FBN2: variants seen among roughly 807,000 people sequenced by gnomAD.
FBN2 encodes fibrillin-2.
In FBN2, 105 loss-of-function variants were observed where a neutral mutation model predicts 355.6. The observed-to-expected ratio is 0.30, with a 90% CI of 0.25 to 0.35. The LOEUF (loss-of-function observed/expected upper bound fraction) is 0.35, where lower values mean the gene tolerates loss of function less well. Ranked by LOEUF, FBN2 falls within the 10% of genes least tolerant of loss-of-function variation. The pLI is 1.00. For missense variants in FBN2, 3,280 were observed against 3,758.7 expected (o/e 0.87, Z 3.33); for synonymous variants, 1,350 against 1,301.2 (o/e 1.04, Z -0.81).
At chr5:128,472,692 G>A (rs1754898510) in intron 5 of FBN2, among the ~76,000 whole-genome samples, 1 of 151,950 alleles carries the variant, frequency 6.6e-6, no homozygotes, top group Non-Finnish European at 1.5e-5. Context: ...TCGGGAGGCT[G>A]AGGCAGGAGA....
At chr5:128,354,249 C>T (rs1180350857) in intron 20 of FBN2, among the ~76,000 whole-genome samples, 1 of 152,268 alleles carries the variant, frequency 6.6e-6, no homozygotes, top group African/African-American at 2.4e-5. Flanking sequence ...GAAAAACATT[C>T]CTGCCAGATA....
At chr5:128,418,507 A>T (rs2572968) in intron 7 of FBN2, among the ~76,000 whole-genome samples, 50,996 of 151,864 alleles carry the variant, frequency 0.34, 10,074 homozygotes, top group African/African-American at 0.53. Flanking sequence ...TCTTAGCATT[A>T]CTTTTGTTGT....
chr5:128,306,658 G>C (rs1749891267), intron 42 of FBN2, among the ~76,000 whole-genome samples: 1 of 152,012 alleles, frequency 6.6e-6, no homozygotes, highest in Non-Finnish European at 1.5e-5. Flanking sequence ...AAATCTTTGA[G>C]GAAGGAAGCT....
intron 15 of FBN2, among the ~76,000 whole-genome samples, chr5:128,372,673 G>T (rs1037949056): frequency 1.3e-5 from 2 of 151,998 alleles, no homozygotes; most frequent in Non-Finnish European, 2.9e-5. Context: ...TGTATTTTTT[G>T]CAGACACAGG....
intron 19 of FBN2, among the ~76,000 whole-genome samples, chr5:128,359,489 G>C (rs1751585082): frequency 6.6e-6 from 1 of 152,056 alleles, no homozygotes; most frequent in South Asian, 2.1e-4. Flanking sequence ...ACAGTGGGAA[G>C]AAAGTGTAGA....
intron 3 of FBN2, among the ~76,000 whole-genome samples, chr5:128,529,829 A>C (rs907689459): frequency 1.3e-5 from 2 of 152,212 alleles, no homozygotes; most frequent in African/African-American, 4.8e-5. Flanking sequence ...GCAGATTCAA[A>C]GGAAGTGAAA....
chr5:128,410,395 G>T (rs1753032861), intron 7 of FBN2, among the ~76,000 whole-genome samples: 4 of 152,090 alleles, frequency 2.6e-5, no homozygotes, highest in African/African-American at 4.8e-5. Flanking sequence ...ATAAGGAAGA[G>T]AAAAAGAAAA....
chr5:128,393,470 C>T (rs969473088), intron 9 of FBN2, 102 bp from the exon 10 acceptor site: 2 of 876,514 alleles, frequency 2.3e-6, no homozygotes, highest in Non-Finnish European at 1.9e-6. Context: ...ACCTATACTA[C>T]ACAATATGAT....
rs1756160127 is a variant in FBN2, at chr5:128,512,577, T to C, written c.628+6696A>G. ...TTAATTTTTAAATTATAGCTGATCATTTATTGAGCAGTTAACTCTGTGCTA... is the reference window on the plus strand; with the variant it reads ...TTAATTTTTAAATTATAGCTGATCACTTATTGAGCAGTTAACTCTGTGCTA... On this transcript the variant is annotated intron_variant, in intron 5 of 64. Transcript: ENST00000262464. 2.0e-5 allele frequency among the ~76,000 whole-genome samples: 3 copies of C among 151,558 alleles called. No individual in the cohort carries two copies. The South Asian group carries it at 6.3e-4, about 32-fold the overall frequency.
intron 5 of FBN2, among the ~76,000 whole-genome samples, chr5:128,497,250 A>G (rs1219083651): frequency 1.3e-5 from 2 of 152,214 alleles, no homozygotes; most frequent in Non-Finnish European, 2.9e-5. Flanking sequence ...GACTTAGGAA[A>G]ACTTAACAAT....
chr5:128,528,400 G>A (rs1756621701), intron 3 of FBN2, among the ~76,000 whole-genome samples: 1 of 152,118 alleles, frequency 6.6e-6, no homozygotes, highest in South Asian at 2.1e-4. Context: ...ATACCACTAA[G>A]TAATTATAGA....
At chr5:128,452,715 T>G (rs1754287022) in intron 6 of FBN2, among the ~76,000 whole-genome samples, 1 of 152,164 alleles carries the variant, frequency 6.6e-6, no homozygotes, top group Admixed American at 6.5e-5. Context: ...TTTTTTACAT[T>G]GAACTTGCTT....
intron 5 of FBN2, among the ~76,000 whole-genome samples, chr5:128,494,048 C>A (rs571251494): frequency 6.6e-6 from 1 of 152,258 alleles, no homozygotes; most frequent in South Asian, 2.1e-4. Flanking sequence ...AAATATGGGT[C>A]TGTGACTCAG....
Position 128,268,728 on chromosome 5 carries a change from AATC to A in FBN2, c.7960+3268_7960+3270del, listed in dbSNP as rs1765183752. ...ATGCAAGGCTGGTTCAACATATGCA[AATC>A]AATAAACACAATCCATCAAATAAGC... is the stretch of plus-strand genomic sequence containing the variant. On this transcript the variant is annotated intron_variant, in intron 62 of 64. Transcript: ENST00000262464. Among the ~76,000 whole-genome samples, 8 of 152,364 alleles carry A rather than the reference AATC, an allele frequency of 5.3e-5. No homozygotes were observed. The South Asian group carries it at 1.7e-3, about 32-fold the overall frequency.
chr5:128,296,732 T>A (rs926795920), intron 48 of FBN2, among the ~76,000 whole-genome samples: 1 of 152,232 alleles, frequency 6.6e-6, no homozygotes, highest in Non-Finnish European at 1.5e-5. Flanking sequence ...CTCTCTTTTA[T>A]TCTTTATTAG....
intron 5 of FBN2, among the ~76,000 whole-genome samples, chr5:128,486,923 T>C (rs1231475498): frequency 6.6e-6 from 1 of 152,188 alleles, no homozygotes; most frequent in Non-Finnish European, 1.5e-5. Flanking sequence ...ACTTCATCCA[T>C]GTCCCTACAA....
chr5:128,321,080 T>C (rs958367948), intron 34 of FBN2, among the ~76,000 whole-genome samples: 1 of 152,204 alleles, frequency 6.6e-6, no homozygotes, highest in Non-Finnish European at 1.5e-5. Context: ...TGTTTCTTGA[T>C]TGGCTGTGTT....
chr5:128,395,249 C>G lies in FBN2; in HGVS notation c.1104G>C (p.Ser368=). 1 of 1,613,934 alleles carries G rather than the reference C, an allele frequency of 6.2e-7. No homozygotes were observed. Among genetic ancestry groups the G allele is most frequent in the Non-Finnish European group, 8.5e-7 (1 of 1,179,970 alleles). Residue 368 remains serine (S), a synonymous_variant, in exon 9 of 65, where the codon TCG becomes TCC. Coordinates refer to ENST00000262464, the MANE Select transcript of FBN2 (RefSeq NM_001999.4). ...CIDQRTGMCF[S]GLVNGRCAQE... ...GTGCACAGCGGCCATTCACCAGGCC[C>G]GAGAAACACATGCCTGTTCTCTGAT...
intron 11 of FBN2, among the ~76,000 whole-genome samples, chr5:128,385,636 C>A (rs1752348585): frequency 1.3e-5 from 2 of 152,166 alleles, no homozygotes; most frequent in Admixed American, 6.5e-5. Context: ...AAACTGCTTT[C>A]CACAGTGGCT....
Sources: allele counts gnomAD v4.1 joint callset (sites outside exome capture counted in the v4.1 genomes callset), GRCh38; gene constraint gnomAD v4.1.1; transcripts MANE v1.5; gene names NCBI Gene and HGNC (gene_info 2026-07-23, HGNC 2026-07-21).